SPOCK3: variants seen among roughly 807,000 people sequenced by gnomAD.
SPOCK3 encodes SPARC (osteonectin), cwcv and kazal like domains proteoglycan 3.
In SPOCK3, 30 loss-of-function variants were observed where a neutral mutation model predicts 56.6. That is an observed-to-expected ratio of 0.53 (90% CI 0.40 to 0.72). The LOEUF is 0.72. Among genes scored for constraint, SPOCK3 ranks in the 30% least tolerant of loss-of-function variants. The pLI is 0.00. For missense variants in SPOCK3, 527 were observed against 530.0 expected, an observed-to-expected ratio of 0.99 and a Z score of 0.06; for synonymous variants, 196 against 183.3, an observed-to-expected ratio of 1.07 and a Z score of -0.56.
intron 4 of SPOCK3, among the ~76,000 whole-genome samples, chr4:166,949,260 G>GT (rs920967809): frequency 5.3e-5 from 8 of 152,066 alleles, no homozygotes; most frequent in African/African-American, 1.9e-4. Context: ...TTTTTTCAAA[G>GT]TTTTTAACTT....
At chr4:166,878,262 G>A (rs1361779497) in intron 6 of SPOCK3, among the ~76,000 whole-genome samples, 2 of 152,270 alleles carry the variant, frequency 1.3e-5, no homozygotes, top group East Asian at 3.9e-4. Context: ...CTGGGCTACA[G>A]AGCAAGACTC....
At chr4:166,814,862 G>A (rs2126738267) in intron 6 of SPOCK3, among the ~76,000 whole-genome samples, 1 of 152,114 alleles carries the variant, frequency 6.6e-6, no homozygotes, top group East Asian at 1.9e-4. Context: ...AGAGAACACT[G>A]ACTAATACAG....
chr4:167,052,045 T>C (rs1179445551), intron 3 of SPOCK3, among the ~76,000 whole-genome samples: 1 of 152,218 alleles, frequency 6.6e-6, no homozygotes, highest in African/African-American at 2.4e-5. Flanking sequence ...CATTATATAG[T>C]AATCTTGATT....
At chr4:166,866,213 A>G (rs1376348436) in intron 6 of SPOCK3, among the ~76,000 whole-genome samples, 1 of 152,150 alleles carries the variant, frequency 6.6e-6, no homozygotes, top group Non-Finnish European at 1.5e-5. Flanking sequence ...GGTGCTGGGA[A>G]AACTGGCTAG....
At chr4:167,070,052 C>A (rs966859597) in intron 2 of SPOCK3, among the ~76,000 whole-genome samples, 1 of 151,956 alleles carries the variant, frequency 6.6e-6, no homozygotes, top group African/African-American at 2.4e-5. Flanking sequence ...AAAGCAACAA[C>A]CATCACTGTT....
At chr4:166,744,214 G>A (rs1735261328) in intron 8 of SPOCK3, among the ~76,000 whole-genome samples, 2 of 152,156 alleles carry the variant, frequency 1.3e-5, no homozygotes. Flanking sequence ...AATAGGGGCT[G>A]ACTGACACCT....
chr4:166,837,608 T>C (rs1340688722), intron 6 of SPOCK3, among the ~76,000 whole-genome samples: 4 of 152,212 alleles, frequency 2.6e-5, no homozygotes, highest in Non-Finnish European at 4.4e-5. Flanking sequence ...CCTTCCCTTA[T>C]GTGAGATATA....
chr4:166,824,520 G>C (rs533136501), intron 6 of SPOCK3, among the ~76,000 whole-genome samples: 1 of 152,046 alleles, frequency 6.6e-6, no homozygotes, highest in Non-Finnish European at 1.5e-5. Flanking sequence ...GGCCAAAGAC[G>C]CAGAACACTA....
At chr4:166,741,121 C>T (rs2318483) in intron 9 of SPOCK3, among the ~76,000 whole-genome samples, 2 of 152,034 alleles carry the variant, frequency 1.3e-5, no homozygotes, top group African/African-American at 2.4e-5. Context: ...ATTAAATACA[C>T]GAGTGTGTTA....
chr4:167,183,831 AC>A (rs1284989264), intron 2 of SPOCK3, among the ~76,000 whole-genome samples: 1 of 152,204 alleles, frequency 6.6e-6, no homozygotes. Context: ...ATGAGAGCTT[AC>A]CAGAATCAAC....
chr4:166,957,294 T>C (rs1473670210), intron 4 of SPOCK3, among the ~76,000 whole-genome samples: 1 of 152,190 alleles, frequency 6.6e-6, no homozygotes, highest in African/African-American at 2.4e-5. Flanking sequence ...CCCCACATGA[T>C]GTGAATATTT....
intron 4 of SPOCK3, among the ~76,000 whole-genome samples, chr4:166,916,450 A>C (rs1035834292): frequency 6.6e-6 from 1 of 152,152 alleles, no homozygotes. Context: ...GTCTCATATG[A>C]AAGCTCAACA....
At position 166,754,540 on chromosome 4, in the gene SPOCK3, T is replaced by A. The variant is rs571754154; in HGVS notation, c.899A>T (p.Asn300Ile). 7.4e-6 allele frequency: 12 copies of A among 1,613,480 alleles called. No homozygotes were observed. In the East Asian group the frequency reaches 1.3e-4, roughly 18 times the overall value. The change falls in exon 8 of 11, where the codon AAT becomes ATT. Residue 300 changes from asparagine to isoleucine, a missense_variant. Asn to Ile is a moderately radical substitution (Grantham distance 149). Transcript: ENST00000357545. ...DTYKDSLISN[N>I]EWCYCFQRQQ... ...TCTCTGGAAGCAGTAGCACCACTCA[T>A]TATTAGATATTAAACTGTCCTTGTA...
At chr4:167,009,622 C>T (rs1455717211) in intron 3 of SPOCK3, among the ~76,000 whole-genome samples, 3 of 151,800 alleles carry the variant, frequency 2.0e-5, no homozygotes, top group Non-Finnish European at 2.9e-5. Context: ...AGAACCCTCA[C>T]AATACCAAAA....
intron 6 of SPOCK3, among the ~76,000 whole-genome samples, chr4:166,842,373 T>C (rs1224125450): frequency 3.9e-5 from 6 of 152,166 alleles, no homozygotes; most frequent in African/African-American, 1.4e-4. Flanking sequence ...TTTGACAGGG[T>C]GCTGATTGGT....
At chr4:167,187,415 G>A (rs991393689) in intron 2 of SPOCK3, among the ~76,000 whole-genome samples, 3 of 151,336 alleles carry the variant, frequency 2.0e-5, no homozygotes, top group Admixed American at 1.3e-4. Context: ...CCCTAATTAT[G>A]AACCCAACAT....
rs974113070 is a variant in SPOCK3, at chr4:166,931,119, T to G, written c.351-18376A>C. On this transcript the variant is annotated intron_variant, in intron 4 of 10. Transcript: ENST00000357545. ...GCTTCAGCCTCCCGAGCAGCTGAGA[T>G]GACAGGCGCCCGCCACCACGCCCAG... Among the ~76,000 whole-genome samples, 4 of 152,154 alleles carry G rather than the reference T, an allele frequency of 2.6e-5. 1 individual carries two copies. The highest frequency in any genetic ancestry group is 4.1e-4 in the South Asian group (2 of 4,822).
intron 4 of SPOCK3, among the ~76,000 whole-genome samples, chr4:166,915,688 G>A (rs930371588): frequency 6.6e-6 from 1 of 152,084 alleles, no homozygotes; most frequent in Non-Finnish European, 1.5e-5. Context: ...TTTGGCTCAG[G>A]CTATGAGAAT....
Position 166,754,567 on chromosome 4 carries a change from G to A in SPOCK3, c.872C>T (p.Thr291Ile). The change falls in exon 8 of 11, where the codon ACA becomes ATA. Residue 291 changes from threonine to isoleucine, a missense_variant. Physicochemically the swap from Thr to Ile is moderately conservative, Grantham distance 89. Transcript: ENST00000357545. ...ATTAGATATTAAACTGTCCTTGTAT[G>A]TGTCACAAGAATTGAAGAATGCCTT... ...CTKAFFNSCDTYKDSLISNNE... is the reference protein window; with the variant it reads ...CTKAFFNSCDIYKDSLISNNE... The A allele has an allele frequency of 1.2e-6, 2 of 1,613,570 alleles. No individual in the cohort carries two copies. Among genetic ancestry groups the A allele is most frequent in the East Asian group, 4.5e-5 (2 of 44,848 alleles).
Sources: gnomAD v4.1 joint callset for allele counts (sites outside exome capture counted in the v4.1 genomes callset) on GRCh38, gnomAD v4.1.1 for gene constraint, MANE v1.5 for transcripts, NCBI Gene and HGNC (gene_info 2026-07-23, HGNC 2026-07-21) for gene names.